LAMA1: variants seen among roughly 807,000 people sequenced by gnomAD.
LAMA1 encodes laminin subunit alpha-1.
In LAMA1, 219 loss-of-function variants were observed where a neutral mutation model predicts 348.7. The observed-to-expected ratio is 0.63, with a 90% CI of 0.56 to 0.70. The LOEUF (loss-of-function observed/expected upper bound fraction) is 0.70. Among genes scored for constraint, LAMA1 ranks in the 30% least tolerant of loss-of-function variants. The probability of loss-of-function intolerance (pLI) is 0.00; values close to 1 mark genes in which losing one functional copy is unlikely to be tolerated. For missense variants in LAMA1, 3,744 were observed against 3,888.0 expected (o/e 0.96, Z 0.99); for synonymous variants, 1,487 against 1,491.0 (o/e 1.00, Z 0.06).
At chr18:7,002,094 G>T (rs1177869552) in intron 30 of LAMA1, among the ~76,000 whole-genome samples, 170 bp downstream of exon 30, 1 of 152,210 alleles carries the variant, frequency 6.6e-6, no homozygotes, top group Non-Finnish European at 1.5e-5. Context: ...CTTTTGAAAA[G>T]ATTCTCTTCC....
At chr18:6,999,846 T>C (rs2057799683) in intron 31 of LAMA1, 65 bp downstream of exon 31, 2 of 1,433,338 alleles carry the variant, frequency 1.4e-6, no homozygotes, top group South Asian at 2.3e-5. Context: ...ATAGTAAATA[T>C]GCCCAATACC....
At chr18:6,955,916 G>A in intron 56 of LAMA1, 1 of 334,206 alleles carries the variant, frequency 3.0e-6, no homozygotes, top group South Asian at 2.5e-5. Context: ...GTGAACCTAG[G>A]TCCACACTGA....
rs147647256 is a variant in LAMA1, at chr18:7,059,588, A to T, written c.346-8652T>A. 1.6e-4 allele frequency among the ~76,000 whole-genome samples: 24 copies of T among 152,302 alleles called. No individual in the cohort carries two copies. The East Asian group carries it at 4.6e-3, about 29-fold the overall frequency. Reference sequence around the variant, plus strand: ...GCACAGATGTCTAAAAAATACAGATAACCTAATTTTCCAGCATCAGAGGTC... The same window carrying T: ...GCACAGATGTCTAAAAAATACAGATTACCTAATTTTCCAGCATCAGAGGTC... On this transcript the variant is annotated intron_variant, in intron 3 of 62. Transcript: ENST00000389658.
intron 53 of LAMA1, 121 bp downstream of exon 53, chr18:6,961,465 C>T: frequency 8.7e-7 from 1 of 1,148,870 alleles, no homozygotes; most frequent in Middle Eastern, 2.9e-4. Flanking sequence ...ATTGAAAATG[C>T]ACATCCATAA....
chr18:7,037,465 T>C (rs1292350283), intron 12 of LAMA1, 113 bp downstream of exon 12: 1 of 1,180,626 alleles, frequency 8.5e-7, no homozygotes, highest in Non-Finnish European at 1.3e-6. Context: ...TGAAATGCTG[T>C]CCAACACTCA....
At chr18:7,049,727 G>C (rs2058055412) in intron 4 of LAMA1, among the ~76,000 whole-genome samples, 1 of 152,162 alleles carries the variant, frequency 6.6e-6, no homozygotes, top group Non-Finnish European at 1.5e-5. Flanking sequence ...TCTAACATTT[G>C]TTAATTACTT....
chr18:6,997,694 C>T, intron 33 of LAMA1, 48 bp downstream of exon 33: 2 of 1,585,544 alleles, frequency 1.3e-6, no homozygotes, highest in Non-Finnish European at 1.7e-6. Flanking sequence ...ATGACTATAT[C>T]CCTTAATGAT....
chr18:6,941,913 T>C lies in LAMA1; in HGVS notation c.*166A>G. On this transcript the variant is annotated 3_prime_UTR_variant, in exon 63 of 63. Transcript: ENST00000389658. ...TACATTTTAGACCATTTAATGGAGG[T>C]ATTTGTTGCACATGTGGTTTTAGTG... 3.9e-6 allele frequency: 3 copies of C among 763,134 alleles called. No individual in the cohort carries two copies. The highest frequency in any genetic ancestry group is 6.8e-6 in the Non-Finnish European group (3 of 442,630). 47.3% of individuals were successfully genotyped at this position (763,134 alleles called of 1,614,324 possible).
At position 6,968,846 on chromosome 18, in the gene LAMA1, T is replaced by A. The variant is rs1277213550; in HGVS notation, c.6900-2549A>T. On this transcript the variant is annotated intron_variant, in intron 48 of 62. Coordinates refer to ENST00000389658, the MANE Select transcript of LAMA1 (RefSeq NM_005559.4). ...TAAGAGTAAACAGTCAAAAATTTTT[T>A]AAAAATTTAGAGGACATCGATGGGC... Among the ~76,000 whole-genome samples, 9 of 152,294 alleles carry A rather than the reference T, an allele frequency of 5.9e-5. No individual in the cohort carries two copies. In the East Asian group the frequency reaches 1.4e-3, roughly 23 times the overall value.
chr18:7,003,321 G>A (rs1168033094), intron 29 of LAMA1, among the ~76,000 whole-genome samples: 1 of 151,374 alleles, frequency 6.6e-6, no homozygotes, highest in Non-Finnish European at 1.5e-5. Context: ...CATTATCTCG[G>A]CTCACTGTGA....
chr18:7,082,265 T>C (rs529516154), intron 1 of LAMA1, among the ~76,000 whole-genome samples: 4 of 152,330 alleles, frequency 2.6e-5, no homozygotes, highest in East Asian at 1.9e-4. Context: ...TTTTGAAACA[T>C]AGCATGAACT....
intron 1 of LAMA1, among the ~76,000 whole-genome samples, chr18:7,083,632 A>C (rs1477334188): frequency 1.3e-5 from 2 of 152,190 alleles, no homozygotes; most frequent in African/African-American, 4.8e-5. Flanking sequence ...ACTAAAACTA[A>C]ATCTTCCTTC....
chr18:6,982,969 G>T, intron 40 of LAMA1, 130 bp downstream of exon 40: 1 of 1,215,720 alleles, frequency 8.2e-7, no homozygotes, highest in East Asian at 2.4e-5. Flanking sequence ...TATGATGACA[G>T]AAGCCAGAAA....
At chr18:7,117,473 G>A (rs1036522558) in intron 1 of LAMA1, among the ~76,000 whole-genome samples, 187 bp downstream of exon 1, 3 of 152,248 alleles carry the variant, frequency 2.0e-5, no homozygotes, top group African/African-American at 2.4e-5. Context: ...CGTCCGGCAG[G>A]AGCGGCGTCC....
rs150542400 is a variant in LAMA1 at position 7,096,489 on chromosome 18, T to G, written c.62-16032A>C. On this transcript the variant is annotated intron_variant, in intron 1 of 62. Transcript: ENST00000389658. The stretch of plus-strand genomic sequence containing the variant: ...CCCAGGAGTACAACACCAGCCTGGG[T>G]AACAATTTTTTTTTAATTAGCTGGG... Among the ~76,000 whole-genome samples the G allele has an allele frequency of 8.6e-4, 130 of 151,860 alleles. 1 individual carries two copies. The highest frequency in any genetic ancestry group is 3.1e-3 in the African/African-American group (127 of 41,392).
chr18:7,083,343 G>T (rs550822352), intron 1 of LAMA1, among the ~76,000 whole-genome samples: 1 of 151,556 alleles, frequency 6.6e-6, no homozygotes, highest in Non-Finnish European at 1.5e-5. Context: ...GCACCACCAC[G>T]CCCAGCTAAT....
In LAMA1 at chr18:6,985,521, A is replaced by G. The variant is rs2057730815; in HGVS notation, c.5496+6T>C. On this transcript the variant is annotated splice_donor_region_variant and intron_variant, in intron 38 of 62. Coordinates refer to ENST00000389658, the MANE Select transcript of LAMA1 (RefSeq NM_005559.4). Reference sequence around the variant, plus strand: ...TGTACTGTGGCTGTGCTGAGATGTAATTTACCTCTAGAGCATCTTGTACAG... The same window carrying G: ...TGTACTGTGGCTGTGCTGAGATGTAGTTTACCTCTAGAGCATCTTGTACAG... 1 of 1,613,324 alleles carries G rather than the reference A, an allele frequency of 6.2e-7. No individual in the cohort carries two copies. Among genetic ancestry groups the G allele is most frequent in the Admixed American group, 1.7e-5 (1 of 59,988 alleles).
intron 32 of LAMA1, 117 bp downstream of exon 32, chr18:6,999,322 AGAAAAT>A (rs1600383255): frequency 1.0e-6 from 1 of 986,854 alleles, no homozygotes; most frequent in African/African-American, 1.6e-5. Context: ...TTAGAAAATA[AGAAAAT>A]GAAAATAAAA....
At chr18:6,986,684 C>G (rs924455633) in intron 36 of LAMA1, among the ~76,000 whole-genome samples, 1 of 151,796 alleles carries the variant, frequency 6.6e-6, no homozygotes, top group Non-Finnish European at 1.5e-5. Context: ...GCACGGTGAT[C>G]TTTCATCTCA....
Sources: gnomAD v4.1 joint callset for allele counts (sites outside exome capture counted in the v4.1 genomes callset) on GRCh38, gnomAD v4.1.1 for gene constraint, MANE v1.5 for transcripts, NCBI Gene and HGNC (gene_info 2026-07-23, HGNC 2026-07-21) for gene names.